SNAP91: variants seen among roughly 807,000 people sequenced by gnomAD.
SNAP91 encodes the protein clathrin coat assembly protein AP180.
In SNAP91, 27 loss-of-function variants were observed where a neutral mutation model predicts 100.3. That is an observed-to-expected ratio of 0.27 (90% CI 0.20 to 0.37). The LOEUF (loss-of-function observed/expected upper bound fraction) is 0.37. Ranked by LOEUF, SNAP91 falls within the 10% of genes least tolerant of loss-of-function variation. The pLI is 1.00. For missense variants in SNAP91, 986 were observed against 1,123.7 expected (o/e 0.88, Z 1.75); for synonymous variants, 404 against 398.6 (o/e 1.01, Z -0.16).
intron 26 of SNAP91, among the ~76,000 whole-genome samples, chr6:83,572,929 C>A (rs967707657): frequency 1.5e-4 from 23 of 152,124 alleles, no homozygotes; most frequent in African/African-American, 4.6e-4. Flanking sequence ...GATTTATTTA[C>A]TCTCTCTCCT....
chr6:83,623,333 T>A lies in SNAP91; in HGVS notation c.775A>T (p.Ile259Phe). 6.2e-7 allele frequency: 1 copy of A among 1,606,958 alleles called. No individual in the cohort carries two copies. The highest frequency in any genetic ancestry group is 8.5e-7 in the Non-Finnish European group (1 of 1,175,746). The change falls in exon 9 of 30, where the codon ATT (isoleucine) becomes TTT (phenylalanine). Residue 259 changes from isoleucine (I) to phenylalanine (F), a missense_variant. Coordinates refer to ENST00000369694, the MANE Select transcript of SNAP91 (RefSeq NM_001242792.2). ...AGGTCAGGAATGTCACCTTTATCAA[T>A]ACCAACTTGCTGTGGATTTAAAAAA... is the stretch of plus-strand genomic sequence containing the variant. ...EFLKVAEQVG[I>F]DKGDIPDLTQ... is the part of the protein sequence containing the mutation.
At chr6:83,577,600 T>C (rs572469637) in intron 24 of SNAP91, among the ~76,000 whole-genome samples, 6 of 152,222 alleles carry the variant, frequency 3.9e-5, no homozygotes, top group South Asian at 2.1e-4. Flanking sequence ...GGAAGAAGGC[T>C]CTGGGATGGA....
intron 14 of SNAP91, among the ~76,000 whole-genome samples, chr6:83,604,704 A>G (rs1546977): frequency 0.43 from 64,606 of 151,988 alleles, 13,880 homozygotes; most frequent in South Asian, 0.5. Flanking sequence ...TGATGCAAAT[A>G]ATCTCTGTAT....
At chr6:83,617,449 G>A (rs935361297) in intron 9 of SNAP91, among the ~76,000 whole-genome samples, 5 of 151,802 alleles carry the variant, frequency 3.3e-5, no homozygotes, top group Non-Finnish European at 7.4e-5. Flanking sequence ...TGAAAATACA[G>A]TAAAATCTCA....
At chr6:83,666,223 G>T (rs1027573825) in intron 2 of SNAP91, among the ~76,000 whole-genome samples, 3 of 152,066 alleles carry the variant, frequency 2.0e-5, no homozygotes, top group Non-Finnish European at 4.4e-5. Flanking sequence ...ACATCTATTA[G>T]TATGAGTCCA....
At chr6:83,582,116 T>G (rs1206763209) in intron 23 of SNAP91, 106 bp downstream of exon 23, 6 of 1,240,474 alleles carry the variant, frequency 4.8e-6, no homozygotes, top group Non-Finnish European at 6.6e-6. Flanking sequence ...AAATTATCAC[T>G]CAATATTTGC....
intron 8 of SNAP91, among the ~76,000 whole-genome samples, chr6:83,634,313 T>C (rs1476855957): frequency 6.6e-6 from 1 of 152,120 alleles, no homozygotes; most frequent in Non-Finnish European, 1.5e-5. Flanking sequence ...TTGACTCAGT[T>C]CCAGGTAAGG....
chr6:83,641,263 C>A (rs1454131), intron 7 of SNAP91, 61 bp from the exon 8 acceptor site: 17,027 of 743,930 alleles, frequency 0.023, 270 homozygotes, highest in Middle Eastern at 0.034. Context: ...TTTTTCTAAG[C>A]TTATGTTAAG....
In SNAP91 at chr6:83,593,554, G is replaced by A. The variant is rs181491904; in HGVS notation, c.1620C>T (p.Thr540=). 3.8e-4 allele frequency: 585 copies of A among 1,553,868 alleles called. 1 individual carries two copies. The African/African-American group carries it at 7.0e-3, about 19-fold the overall frequency. The change falls in exon 18 of 30, where the codon ACC becomes ACT. Residue 540 remains threonine, a synonymous_variant. Coordinates refer to ENST00000369694, the MANE Select transcript of SNAP91 (RefSeq NM_001242792.2). The part of the protein sequence containing the change: ...AAAAAATTAA[T]AAATTTTTTS... ...TGGTGGTAGTGGTGGTGGCAGCGGC[G>A]GTGGCAGCAGTAGTGGCAGCAGCAG... is the stretch of plus-strand genomic sequence containing the variant.
intron 8 of SNAP91, among the ~76,000 whole-genome samples, chr6:83,636,242 T>G (rs2097441025): frequency 6.6e-6 from 1 of 152,170 alleles, no homozygotes; most frequent in South Asian, 2.1e-4. Flanking sequence ...TTTTGTGGAT[T>G]ATATCCTCAA....
intron 1 of SNAP91, 128 bp from the exon 2 acceptor site, chr6:83,708,085 C>A (rs993950000): frequency 1.3e-6 from 1 of 778,738 alleles, no homozygotes; most frequent in African/African-American, 1.8e-5. Context: ...CACCACCTCT[C>A]GGAGCCAGCA....
chr6:83,700,314 G>A (rs765418001), intron 2 of SNAP91, among the ~76,000 whole-genome samples: 2 of 152,008 alleles, frequency 1.3e-5, no homozygotes, highest in East Asian at 3.9e-4. Context: ...ATTAAAAGGA[G>A]GGGGCAAAAA....
intron 2 of SNAP91, among the ~76,000 whole-genome samples, chr6:83,668,441 C>T (rs1027184962): frequency 3.3e-5 from 5 of 152,102 alleles, no homozygotes; most frequent in Admixed American, 3.3e-4. Context: ...GAATGTCCAT[C>T]AATGATAGAC....
chr6:83,704,187 G>C (rs780972044), intron 2 of SNAP91, among the ~76,000 whole-genome samples: 1 of 152,160 alleles, frequency 6.6e-6, no homozygotes, highest in Non-Finnish European at 1.5e-5. Context: ...TACTCATTGA[G>C]TCCTGGATGT....
chr6:83,673,654 G>C (rs944666357), intron 2 of SNAP91, among the ~76,000 whole-genome samples: 1 of 152,196 alleles, frequency 6.6e-6, no homozygotes, highest in African/African-American at 2.4e-5. Context: ...AAGTGATACA[G>C]ATGATTCAGA....
At chr6:83,624,748 G>C (rs2096865912) in intron 8 of SNAP91, among the ~76,000 whole-genome samples, 1 of 152,060 alleles carries the variant, frequency 6.6e-6, no homozygotes, top group Non-Finnish European at 1.5e-5. Flanking sequence ...CTTTGAGGAG[G>C]GGAGGGAAGC....
intron 14 of SNAP91, among the ~76,000 whole-genome samples, 157 bp from the exon 15 acceptor site, chr6:83,601,756 C>T (rs1480911288): frequency 6.6e-6 from 1 of 152,128 alleles, no homozygotes; most frequent in African/African-American, 2.4e-5. Flanking sequence ...AAATGTACTA[C>T]CTATTATCAT....
At chr6:83,670,842 TA>T (rs2098772709) in intron 2 of SNAP91, among the ~76,000 whole-genome samples, 1 of 145,216 alleles carries the variant, frequency 6.9e-6, no homozygotes, top group Non-Finnish European at 1.6e-5. Context: ...TAGGACTCTT[TA>T]TTCTGTTCTG....
At position 83,630,709 on chromosome 6, in the gene SNAP91, G is replaced by A. The variant is rs570193471; in HGVS notation, c.766-7367C>T. Among the ~76,000 whole-genome samples the A allele has an allele frequency of 5.9e-5, 9 of 151,352 alleles. No homozygotes were observed. In the East Asian group the frequency reaches 1.7e-3, roughly 29 times the overall value. Reference sequence around the variant, plus strand: ...ACTGTCTCCCATTTCATTTCTTACTGAGCTTATTTGGATTTTCTCTCTTCC... The same window carrying A: ...ACTGTCTCCCATTTCATTTCTTACTAAGCTTATTTGGATTTTCTCTCTTCC... On this transcript the variant is annotated intron_variant, in intron 8 of 29. Coordinates refer to ENST00000369694, the MANE Select transcript of SNAP91 (RefSeq NM_001242792.2).
Sources: allele counts gnomAD v4.1 joint callset (sites outside exome capture counted in the v4.1 genomes callset), GRCh38; gene constraint gnomAD v4.1.1; transcripts MANE v1.5; gene names NCBI Gene and HGNC (gene_info 2026-07-23, HGNC 2026-07-21).